BCL2L13: variants seen among roughly 807,000 people sequenced by gnomAD.
The protein encoded by BCL2L13 is bcl-2-like protein 13.
Under a neutral mutation model 25.8 loss-of-function variants are expected in BCL2L13, and 13 were observed. That is an observed-to-expected ratio of 0.50 (90% CI 0.33 to 0.80). BCL2L13 has a LOEUF of 0.80. BCL2L13 is among the 30% of genes least tolerant of loss of function. The pLI is 0.02. For synonymous variants in BCL2L13, 244 were observed against 230.3 expected (o/e 1.06, Z -0.54); for missense variants, 504 against 574.9 (o/e 0.88, Z 1.26).
intron 2 of BCL2L13, among the ~76,000 whole-genome samples, chr22:17,664,103 C>G (rs1175213943): frequency 6.6e-6 from 1 of 152,174 alleles, no homozygotes; most frequent in Non-Finnish European, 1.5e-5. Context: ...CCTGTCTCAG[C>G]CTCCTGAAGT....
chr22:17,727,421 A>G lies in BCL2L13; in HGVS notation c.1345A>G (p.Met449Val). Residue 449 changes from methionine to valine, a missense_variant, in exon 7 of 7, where the codon ATG becomes GTG. Coordinates refer to ENST00000317582, the MANE Select transcript of BCL2L13 (RefSeq NM_015367.4). The part of the protein sequence containing the change: ...GKSRLSPAGE[M>V]KPMPLSEGKS... ...GTCTAGACTGTCCCCCGCCGGTGAGATGAAGCCCATGCCGCTGTCTGAGGG... is the reference window on the plus strand; with the variant it reads ...GTCTAGACTGTCCCCCGCCGGTGAGGTGAAGCCCATGCCGCTGTCTGAGGG... 1.2e-6 allele frequency: 2 copies of G among 1,614,196 alleles called. No homozygotes were observed. The highest frequency in any genetic ancestry group is 1.7e-6 in the Non-Finnish European group (2 of 1,180,036).
At chr22:17,637,089 A>G (rs1052555281), upstream of BCL2L13, among the ~76,000 whole-genome samples, 2 of 151,762 alleles carry the variant, frequency 1.3e-5, no homozygotes, top group South Asian at 2.1e-4. Context: ...CCTGGCCAAC[A>G]TGGTGAGACC....
intron 6 of BCL2L13, among the ~76,000 whole-genome samples, chr22:17,710,557 G>T (rs1217244989): frequency 6.6e-6 from 1 of 151,924 alleles, no homozygotes; most frequent in Non-Finnish European, 1.5e-5. Context: ...TCCAGCCTGG[G>T]TGACAGAGCA....
Position 17,688,980 on chromosome 22 carries a change from C to T in BCL2L13, c.230-6C>T, listed in dbSNP as rs1297460527. On this transcript the variant is annotated splice_region_variant and splice_polypyrimidine_tract_variant and intron_variant, in intron 3 of 6. Transcript: ENST00000317582. ...ATATTAGGTTTTTCTTTTGTCCTAT[C>T]TTCAGCCTTCACCAGCACAGGCTTT... The T allele has an allele frequency of 2.5e-6, 4 of 1,610,418 alleles. No individual in the cohort carries two copies. Among genetic ancestry groups the T allele is most frequent in the Non-Finnish European group, 2.5e-6 (3 of 1,178,942 alleles).
At chr22:17,719,152 T>TCA in intron 6 of BCL2L13, among the ~76,000 whole-genome samples, 1 of 29,706 alleles carries the variant, frequency 3.4e-5, no homozygotes, top group Non-Finnish European at 6.4e-5. Context: ...AGGCTCTGTC[T>TCA]CAAAAAAAAA....
intron 2 of BCL2L13, among the ~76,000 whole-genome samples, chr22:17,657,898 C>T (rs1330708118): frequency 7.6e-6 from 1 of 131,886 alleles, no homozygotes; most frequent in Non-Finnish European, 1.5e-5. Flanking sequence ...TCTTGGCTCA[C>T]TGCAACCTCC....
intron 2 of BCL2L13, among the ~76,000 whole-genome samples, chr22:17,659,474 A>G (rs1377199886): frequency 6.9e-6 from 1 of 145,316 alleles, no homozygotes; most frequent in Non-Finnish European, 1.6e-5. Context: ...ATCCTGGCTA[A>G]CATGGTGAAA....
upstream of BCL2L13, among the ~76,000 whole-genome samples, chr22:17,635,961 G>C (rs2058098698): frequency 6.6e-6 from 1 of 151,666 alleles, no homozygotes; most frequent in Non-Finnish European, 1.5e-5. Flanking sequence ...CGTCCCCCTT[G>C]GCCTCCCAAA....
intron 3 of BCL2L13, among the ~76,000 whole-genome samples, 157 bp from the exon 4 acceptor site, chr22:17,688,829 G>A (rs887644060): frequency 2.0e-5 from 3 of 150,460 alleles, no homozygotes; most frequent in Admixed American, 6.6e-5. Flanking sequence ...GTGCAGTGGC[G>A]TGATCTTGGC....
chr22:17,671,743 C>T (rs562670107), intron 2 of BCL2L13, among the ~76,000 whole-genome samples: 1 of 152,178 alleles, frequency 6.6e-6, no homozygotes, highest in African/African-American at 2.4e-5. Context: ...GAGTCTCACA[C>T]TCTTTCCCAG....
intron 5 of BCL2L13, among the ~76,000 whole-genome samples, chr22:17,701,455 A>G (rs1012840650): frequency 1.3e-5 from 2 of 152,182 alleles, no homozygotes; most frequent in African/African-American, 4.8e-5. Flanking sequence ...ATATGTGTAT[A>G]TGTTTTTATT....
chr22:17,729,615 AAGG>A lies in BCL2L13; in HGVS notation c.*2085_*2087del, dbSNP rs367700100. 2.0e-5 allele frequency: 3 copies of A among 152,336 alleles called. No homozygotes were observed. Among genetic ancestry groups the A allele is most frequent in the East Asian group, 3.9e-4 (2 of 5,178 alleles). 9.4% of individuals were successfully genotyped at this position (152,336 alleles called of 1,614,324 possible). A position where few individuals can be genotyped will look rare whatever the true frequency, so the allele number is the denominator to read the frequency against. On this transcript the variant is annotated 3_prime_UTR_variant, in exon 7 of 7. Transcript: ENST00000317582. ...GCCAGGTTCATCTCTGAGCTGCTGA[AAGG>A]AGGTGTGAGGCTTAGGAAATTGGAG...
chr22:17,649,360 G>A (rs1006451239), intron 1 of BCL2L13, among the ~76,000 whole-genome samples: 2 of 152,124 alleles, frequency 1.3e-5, no homozygotes, highest in African/African-American at 4.8e-5. Context: ...GCCTCCCAAA[G>A]TGTTGGGATT....
At chr22:17,671,565 CAAA>C (rs35668910) in intron 2 of BCL2L13, among the ~76,000 whole-genome samples, 4 of 141,266 alleles carry the variant, frequency 2.8e-5, no homozygotes, top group Non-Finnish European at 3.1e-5. Flanking sequence ...GGCTACATCT[CAAA>C]AAAAAAAAAA....
intron 2 of BCL2L13, among the ~76,000 whole-genome samples, chr22:17,675,268 C>T (rs969861982): frequency 3.3e-5 from 5 of 152,064 alleles, no homozygotes; most frequent in Admixed American, 2.0e-4. Flanking sequence ...TTGTCAATAT[C>T]GGCCAGACGC....
At chr22:17,651,367 CTATTTATT>C (rs148784214) in intron 1 of BCL2L13, among the ~76,000 whole-genome samples, 7 of 49,528 alleles carry the variant, frequency 1.4e-4, no homozygotes, top group Admixed American at 3.4e-4. Flanking sequence ...CAGCCTAGAC[CTATTTATT>C]TATTTATTTA....
At chr22:17,711,471 T>C (rs902235917) in intron 6 of BCL2L13, among the ~76,000 whole-genome samples, 4 of 151,850 alleles carry the variant, frequency 2.6e-5, no homozygotes, top group Admixed American at 6.6e-5. Context: ...CTAATTTTTG[T>C]ATGTTTTTGT....
chr22:17,637,232 C>T (rs1373086196), upstream of BCL2L13, among the ~76,000 whole-genome samples: 1 of 151,820 alleles, frequency 6.6e-6, no homozygotes, highest in Non-Finnish European at 1.5e-5. Context: ...CGTGGAGAAA[C>T]TCTGCCTCTA....
At chr22:17,687,803 C>T (rs2059988377) in intron 3 of BCL2L13, among the ~76,000 whole-genome samples, 1 of 148,518 alleles carries the variant, frequency 6.7e-6, no homozygotes, top group Non-Finnish European at 1.5e-5. Flanking sequence ...AGGCGTGAGC[C>T]ACCGCACCCG....
Sources: allele counts gnomAD v4.1 joint callset (sites outside exome capture counted in the v4.1 genomes callset), GRCh38; gene constraint gnomAD v4.1.1; transcripts MANE v1.5; gene names NCBI Gene and HGNC (gene_info 2026-07-23, HGNC 2026-07-21).